KIR3DL1: variants seen among roughly 807,000 people sequenced by gnomAD.
The protein encoded by KIR3DL1 is killer cell immunoglobulin like receptor, three Ig domains and long cytoplasmic tail 1.
In KIR3DL1, 50 loss-of-function variants were observed where a neutral mutation model predicts 40.3. That is an observed-to-expected ratio of 1.24 (90% CI 0.99 to 1.57). The LOEUF is 1.57. KIR3DL1 is among the 40% of genes most tolerant of loss of function. The pLI is 0.00. For synonymous variants in KIR3DL1, 257 were observed against 207.2 expected, an observed-to-expected ratio of 1.24 and a Z score of -2.07; for missense variants, 661 against 559.9, an observed-to-expected ratio of 1.18 and a Z score of -1.82.
chr19:54,821,349 G>A lies in KIR3DL1; in HGVS notation c.656-216G>A, dbSNP rs753394716. ...AGAGAGAATAAAACAATCCAAAAAG[G>A]GAAAACATACCTCAGGGTGGGGAAG... On this transcript the variant is annotated intron_variant, in intron 4 of 8. Coordinates refer to ENST00000391728, the Ensembl canonical transcript of KIR3DL1. Among the ~76,000 whole-genome samples, 366 of 151,006 alleles carry A rather than the reference G, an allele frequency of 2.4e-3. 8 individuals carry two copies. Among genetic ancestry groups the A allele is most frequent in the Non-Finnish European group, 3.8e-3 (256 of 67,866 alleles).
At chr19:54,819,290 T>G (rs1381096877) in intron 3 of KIR3DL1, among the ~76,000 whole-genome samples, 1 of 106,852 alleles carries the variant, frequency 9.4e-6, no homozygotes, top group Non-Finnish European at 2.2e-5. Context: ...TAGCCAGATG[T>G]GGTGGTGGGC....
chr19:54,822,173 C>G lies in KIR3DL1; in HGVS notation c.949+315C>G, dbSNP rs554930456. Reference sequence around the variant, plus strand: ...CAGCCCCTCAATCTTATCCATTTCCCAGAAGCCCATCATGGCCTCTCACCC... The same window carrying G: ...CAGCCCCTCAATCTTATCCATTTCCGAGAAGCCCATCATGGCCTCTCACCC... On this transcript the variant is annotated intron_variant, in intron 5 of 8. Coordinates refer to ENST00000391728, the Ensembl canonical transcript of KIR3DL1. Among the ~76,000 whole-genome samples the G allele has an allele frequency of 2.4e-4, 36 of 151,340 alleles. 2 individuals carry two copies. The highest frequency in any genetic ancestry group is 1.1e-3 in the South Asian group (5 of 4,708).
chr19:54,830,621 C>A, exon 9 of KIR3DL1: 1 of 323,826 alleles, frequency 3.1e-6, no homozygotes, highest in Admixed American at 4.8e-5. Context: ...GAGGCTCCCT[C>A]TTGACGTGGC....
chr19:54,818,677 G>A, intron 3 of KIR3DL1, 78 bp downstream of exon 3: 3 of 1,539,400 alleles, frequency 1.9e-6, no homozygotes, highest in East Asian at 2.3e-5. Context: ...GTCCGTCAGG[G>A]TCCCATCACC....
chr19:54,827,056 C>T lies in KIR3DL1; in HGVS notation c.1000+1978C>T, dbSNP rs946723820. On this transcript the variant is annotated intron_variant, in intron 6 of 8. Coordinates refer to ENST00000391728, the Ensembl canonical transcript of KIR3DL1. Reference sequence around the variant, plus strand: ...AGGAGACAGTGGAAAAGGCAATTGCCGCCCCACTGGTGAAATGTGGTGCTG... The same window carrying T: ...AGGAGACAGTGGAAAAGGCAATTGCTGCCCCACTGGTGAAATGTGGTGCTG... Among the ~76,000 whole-genome samples the T allele has an allele frequency of 2.0e-4, 30 of 151,486 alleles. 1 individual carries two copies. Among genetic ancestry groups the T allele is most frequent in the African/African-American group, 7.3e-4 (30 of 40,974 alleles).
At chr19:54,819,280 T>C (rs202092950) in intron 3 of KIR3DL1, among the ~76,000 whole-genome samples, 16,768 of 132,878 alleles carry the variant, frequency 0.13, 1,321 homozygotes, top group South Asian at 0.21. Context: ...CAAACAAGGA[T>C]AGCCAGATGT....
intron 1 of KIR3DL1, 79 bp downstream of exon 1, chr19:54,816,613 G>A (rs2061340479): frequency 2.0e-6 from 3 of 1,536,922 alleles, no homozygotes; most frequent in East Asian, 2.3e-5. Context: ...GGGCCTAGAG[G>A]TGGAGTTATG....
intron 6 of KIR3DL1, among the ~76,000 whole-genome samples, chr19:54,827,167 A>T (rs1392656417): frequency 6.6e-6 from 1 of 151,040 alleles, no homozygotes; most frequent in Non-Finnish European, 1.5e-5. Flanking sequence ...GCTGGGTTTG[A>T]GTTTCCTAGT....
chr19:54,819,099 C>G (rs933292800), intron 3 of KIR3DL1, among the ~76,000 whole-genome samples: 1 of 151,384 alleles, frequency 6.6e-6, no homozygotes, highest in African/African-American at 2.4e-5. Context: ...CCAGAGGGAA[C>G]GCAGCCCTGT....
chr19:54,819,956 C>A (rs1304358426), exon 4 of KIR3DL1: 2 of 1,611,760 alleles, frequency 1.2e-6, no homozygotes, highest in Non-Finnish European at 1.7e-6. Flanking sequence ...GGTTCTGTTA[C>A]TCACACCCCC....
At chr19:54,824,850 C>G (rs1467671893) in intron 5 of KIR3DL1, among the ~76,000 whole-genome samples, 178 bp from the exon 6 acceptor site, 1 of 150,174 alleles carries the variant, frequency 6.7e-6, no homozygotes, top group African/African-American at 2.5e-5. Flanking sequence ...TCTCTTTATA[C>G]CTTCAAGTCT....
rs771871523 is a variant in KIR3DL1 at position 54,818,341 on chromosome 19, G to T, written c.97G>T (p.Ala33Ser). 235 of 1,603,808 alleles carry T rather than the reference G, an allele frequency of 1.5e-4. 7 individuals are homozygous for T. Among genetic ancestry groups the T allele is most frequent in the Non-Finnish European group, 1.9e-4 (227 of 1,177,088 alleles). ...TGGTCAGGACAAACCCTTCCTGTCT[G>T]CCTGGCCCAGCGCTGTGGTGCCTCG... Residue 33 changes from alanine to serine, a missense_variant, in exon 3 of 9, where the codon GCC (alanine) becomes TCC (serine). By Grantham distance (99) the Ala-to-Ser change is moderately conservative. This residue lies in a region of KIR3DL1 where 548 missense variants were observed against 413.3 expected (regional missense o/e 1.33). Coordinates refer to ENST00000391728, the Ensembl canonical transcript of KIR3DL1.
chr19:54,830,687 A>G lies in KIR3DL1; in HGVS notation c.*412A>G, dbSNP rs1457090628. On this transcript the variant is annotated 3_prime_UTR_variant, in exon 9 of 9. Coordinates refer to ENST00000391728, the Ensembl canonical transcript of KIR3DL1. ...ATGCTGTTTCACCTTTCTTCGGACT[A>G]TTTTCCAGCCTTCTGTCAGCAGTGA... 1.4e-5 allele frequency: 3 copies of G among 218,270 alleles called. 1 individual carries two copies. The highest frequency in any genetic ancestry group is 2.7e-5 in the Non-Finnish European group (3 of 113,174). The allele number at this position is 218,270 out of a possible 1,614,324, so 13.5% of individuals were successfully genotyped here. A position where few individuals can be genotyped will look rare whatever the true frequency, so the allele number is the denominator to read the frequency against.
At chr19:54,819,731 C>A in exon 4 of KIR3DL1, 4 of 1,609,062 alleles carry the variant, frequency 2.5e-6, no homozygotes, top group Non-Finnish European at 3.4e-6. Context: ...AGAAAACCTT[C>A]CCTCCTGGCC....
chr19:54,827,975 A>C (rs2148188751), intron 6 of KIR3DL1, among the ~76,000 whole-genome samples: 1 of 150,562 alleles, frequency 6.6e-6, no homozygotes, highest in Middle Eastern at 3.4e-3. Flanking sequence ...CCTTGGAGTG[A>C]GTCCAGATCT....
rs1329554338 is a variant in KIR3DL1, at chr19:54,817,798, A to G, written c.70+229A>G. On this transcript the variant is annotated intron_variant, in intron 2 of 8. Coordinates refer to ENST00000391728, the Ensembl canonical transcript of KIR3DL1. Reference sequence around the variant, plus strand: ...GGTGCTCCAAGATGGGTGTGCAGGGAGGAAGTGGTGTCAGCAGCAGAGAAA... The same window carrying G: ...GGTGCTCCAAGATGGGTGTGCAGGGGGGAAGTGGTGTCAGCAGCAGAGAAA... Among the ~76,000 whole-genome samples, 14 of 147,658 alleles carry G rather than the reference A, an allele frequency of 9.5e-5. 1 individual carries two copies. Among genetic ancestry groups the G allele is most frequent in the South Asian group, 2.2e-4 (1 of 4,544 alleles).
intron 5 of KIR3DL1, among the ~76,000 whole-genome samples, chr19:54,824,525 A>G (rs776007511): frequency 6.6e-6 from 1 of 151,236 alleles, no homozygotes; most frequent in African/African-American, 2.4e-5. Flanking sequence ...AAAAATACAA[A>G]AATTAGCTGA....
chr19:54,818,296 G>A lies in KIR3DL1; in HGVS notation c.71-19G>A. ...GCTCCACATCCTCCTCTCTAAGGCA[G>A]TGCCTCCTTCTCCCCCAGGTGGTCA... On this transcript the variant is annotated intron_variant, in intron 2 of 8. Transcript: ENST00000391728. 6.3e-7 allele frequency: 1 copy of A among 1,591,002 alleles called. No homozygotes were observed. Among genetic ancestry groups the A allele is most frequent in the African/African-American group, 1.4e-5 (1 of 70,080 alleles).
chr19:54,818,454 C>A lies in KIR3DL1; in HGVS notation c.210C>A (p.Ile70=), dbSNP rs541015899. 1.0e-4 allele frequency: 166 copies of A among 1,608,320 alleles called. 10 individuals are homozygous for A. The South Asian group carries it at 1.7e-3, about 16-fold the overall frequency. The change falls in exon 3 of 9, where the codon ATC becomes ATA. Residue 70 remains isoleucine (I), a synonymous_variant. Coordinates refer to ENST00000391728, the Ensembl canonical transcript of KIR3DL1. ...AAGAAGACAGAATCCACATTCCCATCTTCCATGGCAGAATATTCCAGGAGA... is the reference window on the plus strand; with the variant it reads ...AAGAAGACAGAATCCACATTCCCATATTCCATGGCAGAATATTCCAGGAGA...
Sources: allele counts gnomAD v4.1 joint callset (sites outside exome capture counted in the v4.1 genomes callset), GRCh38; gene constraint gnomAD v4.1.1; regional missense constraint gnomAD v4.1.1; transcripts MANE v1.5; gene names NCBI Gene and HGNC (gene_info 2026-07-23, HGNC 2026-07-21).